WDR48: variants seen among roughly 807,000 people sequenced by gnomAD.
The protein encoded by WDR48 is WD repeat-containing protein 48.
Under a neutral mutation model 94.0 loss-of-function variants are expected in WDR48, and 22 were observed. That is an observed-to-expected ratio of 0.23 (90% confidence interval 0.17 to 0.33). The LOEUF is 0.33. WDR48 is among the 10% of genes least tolerant of loss of function. WDR48 has a pLI of 1.00. For synonymous variants in WDR48, 278 were observed against 280.5 expected, an observed-to-expected ratio of 0.99 and a Z score of 0.09; for missense variants, 541 against 813.8, an observed-to-expected ratio of 0.66 and a Z score of 4.08.
rs756035606 is a variant in WDR48 at position 39,093,869 on chromosome 3, TAC to T, written c.1746-3_1746-2del. On this transcript the variant is annotated splice_region_variant and splice_polypyrimidine_tract_variant and intron_variant, in intron 17 of 18. Transcript: ENST00000302313. ...ATGTCACAATATGCCATTGCTTTTT[TAC>T]AGAGATAGACTCTCTGCTAGTGACA... The T allele has an allele frequency of 2.5e-5, 38 of 1,545,324 alleles. No homozygotes were observed. In the East Asian group the frequency reaches 8.6e-4, roughly 35 times the overall value.
At chr3:39,075,600 A>G (rs1350770070) in intron 8 of WDR48, among the ~76,000 whole-genome samples, 1 of 152,192 alleles carries the variant, frequency 6.6e-6, no homozygotes, top group African/African-American at 2.4e-5. Context: ...ACCTGCTGAA[A>G]GTGAAGGCTG....
At chr3:39,074,677 AAGC>A in intron 7 of WDR48, 46 bp from the exon 8 acceptor site, 1 of 1,598,264 alleles carries the variant, frequency 6.3e-7, no homozygotes, top group Non-Finnish European at 8.6e-7. Context: ...AAGCACAAGA[AAGC>A]AGGAACTTTG....
At chr3:39,072,647 G>T (rs1181378039) in intron 7 of WDR48, among the ~76,000 whole-genome samples, 2 of 152,138 alleles carry the variant, frequency 1.3e-5, no homozygotes, top group Non-Finnish European at 2.9e-5. Context: ...CAGAATCATT[G>T]AAGGACATTC....
chr3:39,084,658 C>G lies in WDR48; in HGVS notation c.1295C>G (p.Thr432Ser), dbSNP rs899131594. The change falls in exon 13 of 19, where the codon ACT (threonine) becomes AGT (serine). Residue 432 changes from threonine (T) to serine (S), a missense_variant. Coordinates refer to ENST00000302313, the MANE Select transcript of WDR48 (RefSeq NM_020839.4). ...TTCTTTTGATAGATGTTAACTATTA[C>G]TTTGGATGAAAGTGATTGTTTTGCT... Reference protein sequence around the residue: ...VDLKTGMLTITLDESDCFAAW... With the variant: ...VDLKTGMLTISLDESDCFAAW... 3 of 1,613,608 alleles carry G rather than the reference C, an allele frequency of 1.9e-6. No individual in the cohort carries two copies. In the Admixed American group the frequency reaches 5.0e-5, roughly 27 times the overall value.
rs1413196158 is a variant in WDR48 at position 39,096,478 on chromosome 3, CCT to C, written c.*1736_*1737del. Reference sequence around the variant, plus strand: ...AATGGGTTTTGCTGGGTCATTTTGCCCTGTGTGCTAAGCCTTGGGTGGCTGCA... The same window carrying C: ...AATGGGTTTTGCTGGGTCATTTTGCCGTGTGCTAAGCCTTGGGTGGCTGCA... On this transcript the variant is annotated 3_prime_UTR_variant, in exon 19 of 19. Transcript: ENST00000302313. The C allele has an allele frequency of 6.6e-6, 1 of 152,126 alleles. No individual in the cohort carries two copies. Among genetic ancestry groups the C allele is most frequent in the Non-Finnish European group, 1.5e-5 (1 of 68,020 alleles). 9.4% of individuals were successfully genotyped at this position (152,126 alleles called of 1,614,324 possible).
chr3:39,073,070 G>T (rs2034026824), intron 7 of WDR48, among the ~76,000 whole-genome samples: 1 of 152,014 alleles, frequency 6.6e-6, no homozygotes, highest in South Asian at 2.1e-4. Flanking sequence ...TACTTTCCTT[G>T]TCCTCTTTAA....
chr3:39,087,786 CAAA>C (rs908463426), intron 14 of WDR48: 2 of 165,372 alleles, frequency 1.2e-5, no homozygotes, highest in African/African-American at 4.8e-5. Flanking sequence ...CTACAAAAAA[CAAA>C]AACAAAAAAA....
intron 12 of WDR48, 80 bp downstream of exon 12, chr3:39,084,342 A>C (rs1424440013): frequency 9.7e-7 from 1 of 1,031,970 alleles, no homozygotes; most frequent in Non-Finnish European, 1.3e-6. Context: ...TTAGTTACAG[A>C]GTCCTGTGTT....
In WDR48 at chr3:39,095,078, TTG is replaced by T. The variant is rs1491498286; in HGVS notation, c.*337_*338del. 1.3e-5 allele frequency: 4 copies of T among 298,100 alleles called. No individual in the cohort carries two copies. Among genetic ancestry groups the T allele is most frequent in the African/African-American group, 6.4e-5 (3 of 46,848 alleles). The allele number at this position is 298,100 out of a possible 1,614,324, so 18.5% of individuals were successfully genotyped here. ...AAGGACCTTATCTACCCATTAACACTTGTTAGAGACACCTCAGTCGGGCCACA... is the reference window on the plus strand; with the variant it reads ...AAGGACCTTATCTACCCATTAACACTTTAGAGACACCTCAGTCGGGCCACA... On this transcript the variant is annotated 3_prime_UTR_variant, in exon 19 of 19. Coordinates refer to ENST00000302313, the MANE Select transcript of WDR48 (RefSeq NM_020839.4).
Position 39,095,051 on chromosome 3 carries a change from C to T in WDR48, c.*308C>T. 2.6e-6 allele frequency: 1 copy of T among 389,244 alleles called. No individual in the cohort carries two copies. The highest frequency in any genetic ancestry group is 4.6e-6 in the Non-Finnish European group (1 of 215,246). 24.1% of individuals were successfully genotyped at this position (389,244 alleles called of 1,614,324 possible). A position where few individuals can be genotyped will look rare whatever the true frequency, so the allele number is the denominator to read the frequency against. On this transcript the variant is annotated 3_prime_UTR_variant, in exon 19 of 19. Transcript: ENST00000302313. ...CAGACTTTGCTTCCTCCTTTTGTTT[C>T]AAAGGACCTTATCTACCCATTAACA...
chr3:39,061,466 A>G (rs987318049), intron 1 of WDR48, among the ~76,000 whole-genome samples: 3 of 152,140 alleles, frequency 2.0e-5, no homozygotes, highest in Non-Finnish European at 1.5e-5. Flanking sequence ...TCCATGGTGT[A>G]TATGTGCCAC....
At chr3:39,063,286 C>T in intron 2 of WDR48, 96 bp downstream of exon 2, 4 of 1,465,480 alleles carry the variant, frequency 2.7e-6, no homozygotes, top group Non-Finnish European at 3.7e-6. Context: ...TTTAATCTCT[C>T]TGAATGCTGA....
intron 2 of WDR48, 43 bp from the exon 3 acceptor site, chr3:39,065,768 C>T (rs768314406): frequency 2.2e-6 from 3 of 1,381,488 alleles, no homozygotes. Context: ...TAATATATTT[C>T]ATTCTCTCAT....
At chr3:39,056,877 A>G (rs2032926592) in intron 1 of WDR48, among the ~76,000 whole-genome samples, 2 of 152,162 alleles carry the variant, frequency 1.3e-5, no homozygotes, top group African/African-American at 4.8e-5. Flanking sequence ...AAAAGCAGTA[A>G]AGGAAAACAC....
intron 10 of WDR48, among the ~76,000 whole-genome samples, chr3:39,079,408 T>C (rs1025672520): frequency 1.4e-4 from 21 of 152,220 alleles, no homozygotes; most frequent in Non-Finnish European, 1.5e-5. Flanking sequence ...CTTTTCCCAG[T>C]GGATAAAGCT....
chr3:39,081,256 C>G (rs913937385), intron 11 of WDR48, among the ~76,000 whole-genome samples: 5 of 152,188 alleles, frequency 3.3e-5, no homozygotes, highest in Non-Finnish European at 7.3e-5. Flanking sequence ...AAAAGAGATT[C>G]ACTTAATGAA....
Position 39,065,830 on chromosome 3 carries a change from C to A in WDR48, c.209C>A (p.Ser70Tyr). The change falls in exon 3 of 19, where the codon TCT (serine) becomes TAT (tyrosine). Residue 70 changes from serine (S) to tyrosine (Y), a missense_variant. Ser to Tyr is a moderately radical substitution (Grantham distance 144). Around this residue, in one of 5 missense-constraint regions of WDR48, gnomAD observed 90 missense variants for 122.3 expected, o/e 0.74. Transcript: ENST00000302313. ...NQHKQDPYIA[S>Y]MEHHTDWVND... ...TTTCAGCAAGATCCATATATAGCAT[C>A]TATGGAACACCATACTGATTGGGTA... 6.2e-7 allele frequency: 1 copy of A among 1,605,688 alleles called. No individual in the cohort carries two copies. Among genetic ancestry groups the A allele is most frequent in the Non-Finnish European group, 8.5e-7 (1 of 1,176,498 alleles).
intron 7 of WDR48, 82 bp downstream of exon 7, chr3:39,069,826 G>A: frequency 9.1e-7 from 1 of 1,102,100 alleles, no homozygotes; most frequent in Non-Finnish European, 1.2e-6. Flanking sequence ...AGGTTGATTT[G>A]AACCGAAAGC....
chr3:39,056,038 T>G (rs1390550872), intron 1 of WDR48, among the ~76,000 whole-genome samples: 3 of 152,234 alleles, frequency 2.0e-5, no homozygotes, highest in African/African-American at 7.2e-5. Context: ...CCAGACATTT[T>G]AAATTTTTTC....
Sources: gnomAD v4.1 joint callset for allele counts (sites outside exome capture counted in the v4.1 genomes callset) on GRCh38, gnomAD v4.1.1 for gene constraint, gnomAD v4.1.1 regional missense constraint, MANE v1.5 for transcripts, NCBI Gene and HGNC (gene_info 2026-07-23, HGNC 2026-07-21) for gene names.